Variants in MTHFD1L observed in about 807,000 individuals in gnomAD.
The protein encoded by MTHFD1L is monofunctional C1-tetrahydrofolate synthase, mitochondrial.
In MTHFD1L, 81 loss-of-function variants were observed where a neutral mutation model predicts 119.5. The observed-to-expected ratio is 0.68, with a 90% CI of 0.57 to 0.82. The LOEUF is 0.82. Among genes scored for constraint, MTHFD1L ranks in the 40% least tolerant of loss-of-function variants. The pLI is 0.00. For missense variants in MTHFD1L, 1,125 were observed against 1,253.4 expected (o/e 0.90, Z 1.55); for synonymous variants, 430 against 475.2 (o/e 0.90, Z 1.24).
Position 151,079,071 on chromosome 6 carries a change from G to A in MTHFD1L, c.2848-13396G>A, listed in dbSNP as rs534212967. 3.9e-5 allele frequency among the ~76,000 whole-genome samples: 6 copies of A among 152,218 alleles called. No individual in the cohort carries two copies. In the East Asian group the frequency reaches 7.7e-4, roughly 20 times the overall value. ...AGTGTGGTGGTATGTGATTGACAGC[G>A]CCCTAGCAAGATGAGCAACAAAGAT... On this transcript the variant is annotated intron_variant, in intron 26 of 27. Coordinates refer to ENST00000367321, the MANE Select transcript of MTHFD1L (RefSeq NM_015440.5).
At chr6:150,990,755 C>T (rs939041176) in intron 20 of MTHFD1L, among the ~76,000 whole-genome samples, 1 of 152,078 alleles carries the variant, frequency 6.6e-6, no homozygotes, top group African/African-American at 2.4e-5. Context: ...AGCCACTGCA[C>T]CTGGCCAGAT....
At chr6:151,067,276 A>G (rs1415446610) in intron 26 of MTHFD1L, among the ~76,000 whole-genome samples, 1 of 151,654 alleles carries the variant, frequency 6.6e-6, no homozygotes, top group Non-Finnish European at 1.5e-5. Context: ...AAATCAGGTT[A>G]TATTGGTTTG....
chr6:151,009,214 A>G (rs2128480414), intron 20 of MTHFD1L, among the ~76,000 whole-genome samples: 1 of 152,002 alleles, frequency 6.6e-6, no homozygotes, highest in Non-Finnish European at 1.5e-5. Flanking sequence ...CTGATTACAA[A>G]GTTGAAAATC....
intron 7 of MTHFD1L, among the ~76,000 whole-genome samples, chr6:150,889,913 T>C (rs554616816): frequency 4.6e-5 from 7 of 152,194 alleles, no homozygotes; most frequent in Non-Finnish European, 8.8e-5. Context: ...TTCCAGCACT[T>C]TGGGAGGCTG....
chr6:150,910,174 T>C (rs1786620966), intron 8 of MTHFD1L, among the ~76,000 whole-genome samples: 1 of 150,648 alleles, frequency 6.6e-6, no homozygotes, highest in South Asian at 2.1e-4. Flanking sequence ...AGAGCAAAGC[T>C]CCATCTCAAA....
intron 26 of MTHFD1L, among the ~76,000 whole-genome samples, chr6:151,050,267 A>T (rs996523454): frequency 1.3e-5 from 2 of 151,696 alleles, no homozygotes; most frequent in South Asian, 4.2e-4. Context: ...GGTTCAAGCG[A>T]CTCTCCCACC....
chr6:150,882,618 A>G, intron 4 of MTHFD1L, 144 bp from the exon 5 acceptor site: 1 of 571,668 alleles, frequency 1.7e-6, no homozygotes, highest in East Asian at 3.6e-5. Flanking sequence ...ATTATGCTTT[A>G]CACCAAGTTT....
At chr6:150,993,196 T>G (rs973332652) in intron 20 of MTHFD1L, among the ~76,000 whole-genome samples, 1 of 152,236 alleles carries the variant, frequency 6.6e-6, no homozygotes, top group East Asian at 1.9e-4. Context: ...TTTCATGATA[T>G]AACTTCTAAA....
At chr6:151,010,308 AT>A (rs1011170812) in intron 21 of MTHFD1L, among the ~76,000 whole-genome samples, 2 of 152,164 alleles carry the variant, frequency 1.3e-5, no homozygotes, top group African/African-American at 4.8e-5. Flanking sequence ...GTATAACCAT[AT>A]GGTAATGGGA....
intron 24 of MTHFD1L, among the ~76,000 whole-genome samples, chr6:151,028,145 G>A (rs892991283): frequency 6.6e-6 from 1 of 152,088 alleles, no homozygotes; most frequent in Admixed American, 6.6e-5. Context: ...GGATTCATTC[G>A]TACTACTGGC....
chr6:150,941,973 A>C (rs905932723), intron 13 of MTHFD1L, among the ~76,000 whole-genome samples: 3 of 152,112 alleles, frequency 2.0e-5, no homozygotes, highest in Non-Finnish European at 4.4e-5. Context: ...TAAAACCACT[A>C]TCAGGCCGGG....
intron 16 of MTHFD1L, 122 bp from the exon 17 acceptor site, chr6:150,955,873 G>C (rs923164586): frequency 2.0e-5 from 15 of 761,074 alleles, no homozygotes; most frequent in Admixed American, 4.3e-5. Flanking sequence ...TGGTCAGCTT[G>C]GGGGAGCCTG....
chr6:150,971,866 C>A, intron 19 of MTHFD1L, 81 bp from the exon 20 acceptor site: 2 of 1,169,664 alleles, frequency 1.7e-6, no homozygotes, highest in Non-Finnish European at 2.5e-6. Context: ...AGCTTTCCTA[C>A]CCCATTTGCC....
chr6:151,021,785 G>A (rs989971924), intron 24 of MTHFD1L, among the ~76,000 whole-genome samples: 12 of 152,178 alleles, frequency 7.9e-5, no homozygotes, highest in African/African-American at 2.4e-4. Context: ...TTCCTTCTCC[G>A]TGAGAATTGG....
chr6:151,072,445 T>G (rs980722725), intron 26 of MTHFD1L, among the ~76,000 whole-genome samples: 1 of 152,168 alleles, frequency 6.6e-6, no homozygotes, highest in Non-Finnish European at 1.5e-5. Context: ...TTCACACTTA[T>G]ATTTATAAGA....
chr6:150,920,266 G>A (rs1465346654), intron 9 of MTHFD1L, among the ~76,000 whole-genome samples: 1 of 152,174 alleles, frequency 6.6e-6, no homozygotes, highest in Non-Finnish European at 1.5e-5. Flanking sequence ...CAAGACAGGA[G>A]TATTAAAGTA....
chr6:150,900,951 C>T (rs1183156709), intron 7 of MTHFD1L, among the ~76,000 whole-genome samples: 1 of 151,530 alleles, frequency 6.6e-6, no homozygotes, highest in African/African-American at 2.4e-5. Context: ...GGAGGCGGAG[C>T]TTGCAGTGAG....
At chr6:150,962,914 C>CTTTTTTTT (rs4035893) in intron 18 of MTHFD1L, among the ~76,000 whole-genome samples, 11 of 114,144 alleles carry the variant, frequency 9.6e-5, no homozygotes, top group African/African-American at 2.3e-4. Context: ...CTTTTCTTTT[C>CTTTTTTTT]TTTTTTTTTT....
chr6:150,932,258 G>A (rs1791188287), intron 11 of MTHFD1L, among the ~76,000 whole-genome samples: 1 of 151,700 alleles, frequency 6.6e-6, no homozygotes, highest in South Asian at 2.1e-4. Context: ...GTGCAAAGAG[G>A]GTGAGCATTG....
Sources: gnomAD v4.1 joint callset for allele counts (sites outside exome capture counted in the v4.1 genomes callset) on GRCh38, gnomAD v4.1.1 for gene constraint, MANE v1.5 for transcripts, NCBI Gene and HGNC (gene_info 2026-07-23, HGNC 2026-07-21) for gene names.